Variants in ZBBX observed in about 807,000 individuals in gnomAD.
ZBBX encodes the protein zinc finger B-box domain containing, also known as zinc finger B-box domain-containing protein 1.
A neutral mutation model predicts 108.5 loss-of-function variants in ZBBX; 101 were observed. That is an observed-to-expected ratio of 0.93 (90% confidence interval 0.79 to 1.10). The LOEUF (loss-of-function observed/expected upper bound fraction) is 1.10, where lower values mean the gene tolerates loss of function less well. ZBBX is among the 50% of genes least tolerant of loss of function. The probability of loss-of-function intolerance (pLI) is 0.00; values close to 1 mark genes in which losing one functional copy is unlikely to be tolerated. For missense variants in ZBBX, 1,009 were observed against 941.4 expected (o/e 1.07, Z -0.94); for synonymous variants, 356 against 323.4 (o/e 1.10, Z -1.08).
At chr3:167,248,396 G>A (rs1441528884) in intron 20 of ZBBX, among the ~76,000 whole-genome samples, 1 of 152,054 alleles carries the variant, frequency 6.6e-6, no homozygotes, top group Non-Finnish European at 1.5e-5. Flanking sequence ...TAAGCAAGGG[G>A]TTCTTCCCCC....
chr3:167,205,960 C>T, the ZBBX span, among the ~76,000 whole-genome samples: 65 of 152,132 alleles, frequency 4.3e-4, no homozygotes, highest in East Asian at 9.9e-3. Flanking sequence ...GAATACTTAA[C>T]GATCAATCAT....
At chr3:167,346,783 CACA>C (rs374271546) in intron 9 of ZBBX, among the ~76,000 whole-genome samples, 2 of 151,326 alleles carry the variant, frequency 1.3e-5, no homozygotes, top group Non-Finnish European at 3.0e-5. Flanking sequence ...AAAGCCAAAG[CACA>C]ACAACAACAA....
chr3:167,322,572 G>A (rs1439886200), intron 11 of ZBBX, among the ~76,000 whole-genome samples: 1 of 151,926 alleles, frequency 6.6e-6, no homozygotes, highest in African/African-American at 2.4e-5. Context: ...ATAATACACA[G>A]ATGTATAAAG....
At chr3:167,269,207 T>C (rs1290786128) in intron 20 of ZBBX, among the ~76,000 whole-genome samples, 1 of 152,180 alleles carries the variant, frequency 6.6e-6, no homozygotes, top group Non-Finnish European at 1.5e-5. Context: ...TTATCACCTT[T>C]CTAGTCGATT....
At chr3:167,271,183 A>AT (rs1726454523) in intron 20 of ZBBX, among the ~76,000 whole-genome samples, 1 of 139,672 alleles carries the variant, frequency 7.2e-6, no homozygotes, top group South Asian at 2.4e-4. Context: ...TGGCCCATAC[A>AT]TTTGGAAAAA....
At chr3:167,313,096 T>C (rs938572153) in intron 16 of ZBBX, among the ~76,000 whole-genome samples, 3 of 152,136 alleles carry the variant, frequency 2.0e-5, no homozygotes, top group Non-Finnish European at 4.4e-5. Flanking sequence ...CAGACAGTGA[T>C]TTAAAGGCAC....
At chr3:167,230,949 G>A in the ZBBX span, among the ~76,000 whole-genome samples, 120 of 151,836 alleles carry the variant, frequency 7.9e-4, 3 homozygotes, top group South Asian at 0.024. Context: ...TCAATATTTC[G>A]CATGTATTTT....
the ZBBX span, among the ~76,000 whole-genome samples, chr3:167,206,871 G>A: frequency 1.3e-5 from 2 of 152,016 alleles, no homozygotes; most frequent in South Asian, 4.1e-4. Context: ...GATCACCAAG[G>A]AGACGCAATG....
chr3:167,301,439 G>T (rs113174210), intron 17 of ZBBX, among the ~76,000 whole-genome samples: 1 of 152,174 alleles, frequency 6.6e-6, no homozygotes, highest in Non-Finnish European at 1.5e-5. Flanking sequence ...TGAAGAGAAC[G>T]GCAGGAAAGA....
At chr3:167,223,387 TA>T in the ZBBX span, among the ~76,000 whole-genome samples, 1 of 151,988 alleles carries the variant, frequency 6.6e-6, no homozygotes, top group African/African-American at 2.4e-5. Context: ...AATAAAGGAA[TA>T]AAAAGCCAAT....
intron 20 of ZBBX, among the ~76,000 whole-genome samples, chr3:167,272,132 T>A (rs925958332): frequency 5.3e-5 from 8 of 152,174 alleles, no homozygotes; most frequent in Non-Finnish European, 1.2e-4. Flanking sequence ...GGACCAAATG[T>A]CTTCCTATTT....
intron 11 of ZBBX, among the ~76,000 whole-genome samples, chr3:167,323,892 T>C (rs747892773): frequency 1.3e-5 from 2 of 152,082 alleles, no homozygotes; most frequent in Non-Finnish European, 2.9e-5. Context: ...TTCTAGGCCA[T>C]TGAAAGTACC....
At chr3:167,323,985 A>G (rs1254623787) in intron 11 of ZBBX, among the ~76,000 whole-genome samples, 1 of 152,126 alleles carries the variant, frequency 6.6e-6, no homozygotes, top group Non-Finnish European at 1.5e-5. Flanking sequence ...TAACTAGAAA[A>G]CTAGAAATTT....
intron 20 of ZBBX, among the ~76,000 whole-genome samples, chr3:167,252,734 A>G (rs534993905): frequency 6.6e-6 from 1 of 152,212 alleles, no homozygotes; most frequent in Non-Finnish European, 1.5e-5. Flanking sequence ...TAGTGAAAAT[A>G]CTGATGTTAG....
chr3:167,309,886 T>G (rs1048741315), intron 16 of ZBBX, among the ~76,000 whole-genome samples: 6 of 152,238 alleles, frequency 3.9e-5, no homozygotes, highest in African/African-American at 1.4e-4. Flanking sequence ...GTTTCTTTTC[T>G]ACCACATGGT....
chr3:167,185,196 AG>A, the ZBBX span, among the ~76,000 whole-genome samples: 1 of 152,226 alleles, frequency 6.6e-6, no homozygotes, highest in South Asian at 2.1e-4. Context: ...AGCAATAAAA[AG>A]AAAAAAATAC....
chr3:167,286,337 T>C (rs1164275888), intron 19 of ZBBX, among the ~76,000 whole-genome samples: 1 of 152,132 alleles, frequency 6.6e-6, no homozygotes, highest in East Asian at 1.9e-4. Flanking sequence ...GGCATACTTT[T>C]TTCTACTTTC....
chr3:167,404,665 G>A (rs376167440), intron 1 of ZBBX, among the ~76,000 whole-genome samples: 36 of 152,274 alleles, frequency 2.4e-4, no homozygotes, highest in African/African-American at 7.5e-4. Flanking sequence ...AGTTTCTCAA[G>A]CTTCAGTTCT....
intron 19 of ZBBX, among the ~76,000 whole-genome samples, chr3:167,284,642 T>G (rs1729402806): frequency 6.6e-6 from 1 of 152,100 alleles, no homozygotes; most frequent in Non-Finnish European, 1.5e-5. Flanking sequence ...TGCCACAGTA[T>G]TTAAAGGTAA....
Sources: allele counts gnomAD v4.1 joint callset (sites outside exome capture counted in the v4.1 genomes callset), GRCh38; gene constraint gnomAD v4.1.1; transcripts MANE v1.5; gene names NCBI Gene and HGNC (gene_info 2026-07-23, HGNC 2026-07-21).